Variants in VPS13A observed in about 807,000 individuals in gnomAD.
VPS13A encodes vacuolar protein sorting 13 homolog A, also known as intermembrane lipid transfer protein VPS13A.
A neutral mutation model predicts 390.9 loss-of-function variants in VPS13A; 264 were observed. The observed-to-expected ratio is 0.68, with a 90% CI of 0.61 to 0.75. The LOEUF (loss-of-function observed/expected upper bound fraction) is 0.75, where lower values mean the gene tolerates loss of function less well. Ranked by LOEUF, VPS13A falls within the 30% of genes least tolerant of loss-of-function variation. The probability of loss-of-function intolerance (pLI) is 0.00; values close to 1 mark genes in which losing one functional copy is unlikely to be tolerated. For missense variants in VPS13A, 3,409 were observed against 3,733.9 expected (o/e 0.91, Z 2.27); for synonymous variants, 1,231 against 1,227.1 (o/e 1.00, Z -0.07).
At chr9:77,298,002 G>A (rs139004068) in intron 33 of VPS13A, among the ~76,000 whole-genome samples, 4 of 152,166 alleles carry the variant, frequency 2.6e-5, no homozygotes, top group African/African-American at 9.7e-5. Context: ...GGTTGAATGG[G>A]TGTGGGAGTT....
rs760948401 is a variant in VPS13A at position 77,314,006 on chromosome 9, A to G, written c.4129A>G (p.Thr1377Ala). The G allele has an allele frequency of 6.2e-7, 1 of 1,612,966 alleles. No homozygotes were observed. Among genetic ancestry groups the G allele is most frequent in the Admixed American group, 1.7e-5 (1 of 59,932 alleles). Residue 1377 changes from threonine to alanine, a missense_variant, in exon 36 of 72, where the codon ACA becomes GCA. Physicochemically the swap from Thr to Ala is moderately conservative, Grantham distance 58. Around this residue, in one of 5 missense-constraint regions of VPS13A, gnomAD observed 2,717 missense variants for 2,917.4 expected, o/e 0.93. Coordinates refer to ENST00000360280, the MANE Select transcript of VPS13A (RefSeq NM_033305.3). ...ATTTTTTCAAGGAGCAACTGTGGTG[A>G]CAGCTGCTGTGGTAGAAGTACATTC... The part of the protein sequence containing the change: ...SHHSGGATVV[T>A]AAVVEVHSRA...
intron 5 of VPS13A, among the ~76,000 whole-genome samples, chr9:77,208,079 G>A (rs1477164250): frequency 1.3e-5 from 2 of 152,162 alleles, no homozygotes; most frequent in African/African-American, 2.4e-5. Context: ...GAAGTCAGGA[G>A]GAAGTAGTGG....
intron 19 of VPS13A, among the ~76,000 whole-genome samples, chr9:77,244,456 G>T (rs958133120): frequency 2.0e-5 from 3 of 152,072 alleles, no homozygotes; most frequent in African/African-American, 7.2e-5. Context: ...GAGGTAAAAA[G>T]GAAAAATATT....
chr9:77,359,235 G>A (rs1485866908), intron 57 of VPS13A, 98 bp from the exon 58 acceptor site: 4 of 969,906 alleles, frequency 4.1e-6, no homozygotes, highest in Non-Finnish European at 6.4e-6. Context: ...TTATTATTTA[G>A]TAAATGATTT....
chr9:77,254,585 CAA>C lies in VPS13A; in HGVS notation c.2288+2235_2288+2236del, dbSNP rs559565322. ...GTAAAAAATGTTATAGAGATTCTAACAAAGAGTGTATCAAATCTGTAGATCCC... is the reference window on the plus strand; with the variant it reads ...GTAAAAAATGTTATAGAGATTCTAACAGAGTGTATCAAATCTGTAGATCCC... On this transcript the variant is annotated intron_variant, in intron 22 of 71. Transcript: ENST00000360280. Among the ~76,000 whole-genome samples the C allele has an allele frequency of 3.3e-5, 5 of 152,130 alleles. No individual in the cohort carries two copies. In the South Asian group the frequency reaches 8.3e-4, roughly 25 times the overall value.
At chr9:77,240,733 C>T (rs1824440074) in intron 19 of VPS13A, among the ~76,000 whole-genome samples, 1 of 152,046 alleles carries the variant, frequency 6.6e-6, no homozygotes, top group Admixed American at 6.6e-5. Flanking sequence ...CTCAGCCTCC[C>T]AAAGTGCTGG....
At chr9:77,261,841 T>TC (rs1338186250) in intron 23 of VPS13A, among the ~76,000 whole-genome samples, 1 of 152,154 alleles carries the variant, frequency 6.6e-6, no homozygotes, top group Non-Finnish European at 1.5e-5. Flanking sequence ...TGCACTGGGC[T>TC]CCCAAGTACT....
At position 77,337,304 on chromosome 9, in the gene VPS13A, G is replaced by A; in HGVS notation, c.6145G>A (p.Gly2049Arg). 2 of 1,613,002 alleles carry A rather than the reference G, an allele frequency of 1.2e-6. No individual in the cohort carries two copies. The highest frequency in any genetic ancestry group is 1.7e-6 in the Non-Finnish European group (2 of 1,179,666). ...PEDENYQMCE[G>R]IDFEEIIKND... Reference sequence around the variant, plus strand: ...AGATGAGAACTATCAAATGTGTGAAGGAATTGACTTTGAAGAGATTATAAA... The same window carrying A: ...AGATGAGAACTATCAAATGTGTGAAAGAATTGACTTTGAAGAGATTATAAA... Residue 2049 changes from glycine to arginine, a missense_variant, in exon 47 of 72, where the codon GGA (glycine) becomes AGA (arginine). Physicochemically the swap from Gly to Arg is moderately radical, Grantham distance 125 (BLOSUM62 -2). Around this residue, in one of 5 missense-constraint regions of VPS13A, gnomAD observed 2,717 missense variants for 2,917.4 expected, o/e 0.93. Transcript: ENST00000360280.
chr9:77,281,953 T>C (rs1827051016), intron 28 of VPS13A, 27 bp downstream of exon 28: 3 of 1,427,006 alleles, frequency 2.1e-6, no homozygotes, highest in Non-Finnish European at 2.9e-6. Flanking sequence ...TATTTTTTAA[T>C]TATGTACTAT....
chr9:77,227,572 G>A, intron 16 of VPS13A, 87 bp downstream of exon 16: 1 of 1,041,446 alleles, frequency 9.6e-7, no homozygotes, highest in South Asian at 1.4e-5. Context: ...GCCCAGGCTG[G>A]ACTGCAGTGG....
At chr9:77,279,322 C>T (rs1826879698) in intron 26 of VPS13A, among the ~76,000 whole-genome samples, 1 of 152,118 alleles carries the variant, frequency 6.6e-6, no homozygotes, top group Non-Finnish European at 1.5e-5. Context: ...GGACTCTTCA[C>T]TGACAGCCCC....
At chr9:77,240,478 G>GTTTTTTTTTTTTTTTTTTTTTT (rs11351060) in intron 19 of VPS13A, among the ~76,000 whole-genome samples, 2 of 126,068 alleles carry the variant, frequency 1.6e-5, no homozygotes, top group Non-Finnish European at 3.3e-5. Flanking sequence ...TTATGTTTTT[G>GTTTTTTTTTTTTTTTTTTTTTT]TTTTTTTTTT....
intron 68 of VPS13A, among the ~76,000 whole-genome samples, chr9:77,401,329 T>TTGTGTGTGTGTGTG (rs4012461): frequency 3.3e-4 from 46 of 140,430 alleles, no homozygotes; most frequent in Non-Finnish European, 6.3e-4. Flanking sequence ...TCACATGAAG[T>TTGTGTGTGTGTGTG]TGTGTGTGTG....
At chr9:77,364,539 G>A (rs973680268) in intron 59 of VPS13A, among the ~76,000 whole-genome samples, 2 of 152,148 alleles carry the variant, frequency 1.3e-5, no homozygotes, top group African/African-American at 4.8e-5. Flanking sequence ...GAGAAATGCT[G>A]ACGTCCTGTT....
In VPS13A at chr9:77,407,575, A is replaced by ATAAT. The variant is rs1834685376; in HGVS notation, c.9446_9449dup (p.Phe3151Ter). On this transcript the variant is annotated frameshift_variant, in exon 71 of 72. Coordinates refer to ENST00000360280, the MANE Select transcript of VPS13A (RefSeq NM_033305.3). LOFTEE classifies it high-confidence loss of function. Reference sequence around the variant, plus strand: ...ATTTCATGCCAGAGAGTTTGGAAAAATAATTAACTTCAAGACCCCAGAGGA... The same window carrying ATAAT: ...ATTTCATGCCAGAGAGTTTGGAAAAATAATTAATTAACTTCAAGACCCCAGAGGA... 5.6e-6 allele frequency: 9 copies of ATAAT among 1,613,068 alleles called. No individual in the cohort carries two copies. The highest frequency in any genetic ancestry group is 1.3e-5 in the African/African-American group (1 of 74,912).
At position 77,415,980 on chromosome 9, in the gene VPS13A, G is replaced by C; in HGVS notation, c.9499G>C (p.Ala3167Pro). 7 of 1,613,504 alleles carry C rather than the reference G, an allele frequency of 4.3e-6. No individual in the cohort carries two copies. The highest frequency in any genetic ancestry group is 5.9e-6 in the Non-Finnish European group (7 of 1,179,574). Residue 3167 changes from alanine (A) to proline (P), a missense_variant, in exon 72 of 72, where the codon GCA becomes CCA. Ala to Pro is a conservative substitution (Grantham distance 27, BLOSUM62 -1). Around this residue, in one of 5 missense-constraint regions of VPS13A, gnomAD observed 318 missense variants for 333.7 expected, o/e 0.95. Transcript: ENST00000360280. The stretch of plus-strand genomic sequence containing the variant: ...GTGGATCCTCACAAAGCTACAAGAA[G>C]CAAGAGAACCTTCTCCGAGCCTCTG... ...ARWILTKLQE[A>P]REPSPSL
chr9:77,296,857 G>T (rs1012471530), intron 33 of VPS13A, among the ~76,000 whole-genome samples: 32 of 151,988 alleles, frequency 2.1e-4, no homozygotes, highest in African/African-American at 7.2e-4. Flanking sequence ...GGCTATTCAA[G>T]TTATTTTTTC....
intron 21 of VPS13A, among the ~76,000 whole-genome samples, 166 bp downstream of exon 21, chr9:77,250,395 C>T (rs187626824): frequency 9.3e-4 from 142 of 152,170 alleles, no homozygotes; most frequent in Non-Finnish European, 1.5e-3. Context: ...CAGTCTTGCC[C>T]CCCCAAGAGA....
intron 71 of VPS13A, among the ~76,000 whole-genome samples, chr9:77,409,061 G>A (rs1008996093): frequency 6.6e-6 from 1 of 152,230 alleles, no homozygotes; most frequent in African/African-American, 2.4e-5. Context: ...GGGGCAGACT[G>A]ACACCTCACA....
Sources: allele counts gnomAD v4.1 joint callset (sites outside exome capture counted in the v4.1 genomes callset), GRCh38; gene constraint gnomAD v4.1.1; regional missense constraint gnomAD v4.1.1; transcripts MANE v1.5; gene names NCBI Gene and HGNC (gene_info 2026-07-23, HGNC 2026-07-21).